Variants in ABCA13 observed in about 807,000 individuals in gnomAD.
ABCA13 encodes ATP-binding cassette sub-family A member 13.
A neutral mutation model predicts 478.7 loss-of-function variants in ABCA13; 476 were observed. That is an observed-to-expected ratio of 0.99 (90% confidence interval 0.92 to 1.07). The LOEUF (loss-of-function observed/expected upper bound fraction) is 1.07. ABCA13 is among the 50% of genes least tolerant of loss of function. The pLI is 0.00. For synonymous variants in ABCA13, 2,252 were observed against 2,158.9 expected (o/e 1.04, Z -1.20); for missense variants, 6,060 against 5,910.6 (o/e 1.03, Z -0.83).
At chr7:48,638,331 ACACATCCAGC>A (rs1021739864) in intron 59 of ABCA13, among the ~76,000 whole-genome samples, 28 of 152,188 alleles carry the variant, frequency 1.8e-4, no homozygotes, top group African/African-American at 6.3e-4. Context: ...TAAGAAAGTG[ACACATCCAGC>A]CACAGAGAGC....
rs1174723885 is a variant in ABCA13, at chr7:48,272,560, A to T, written c.2894A>T (p.Tyr965Phe). ...DKDSALLLQI[Y>F]SSFYRYIYEL... ...GATTCAGCTTTACTTCTGCAAATTTATTCTTCATTTTACCGATATATTTAT... is the reference window on the plus strand; with the variant it reads ...GATTCAGCTTTACTTCTGCAAATTTTTTCTTCATTTTACCGATATATTTAT... The change falls in exon 17 of 62, where the codon TAT becomes TTT. Residue 965 changes from tyrosine to phenylalanine, a missense_variant. By Grantham distance (22) the Tyr-to-Phe change is conservative. Around this residue, in one of 3 missense-constraint regions of ABCA13, gnomAD observed 4,423 missense variants for 4,309.1 expected, o/e 1.03. Coordinates refer to ENST00000435803, the MANE Select transcript of ABCA13 (RefSeq NM_152701.5). 6.2e-7 allele frequency: 1 copy of T among 1,613,782 alleles called. No homozygotes were observed.
intron 41 of ABCA13, among the ~76,000 whole-genome samples, chr7:48,425,863 T>G (rs1334508120): frequency 6.6e-6 from 1 of 152,022 alleles, no homozygotes; most frequent in East Asian, 1.9e-4. Flanking sequence ...TGCCTCAGCC[T>G]CCGGAGTAGC....
At chr7:48,579,831 C>T (rs960163926) in intron 55 of ABCA13, among the ~76,000 whole-genome samples, 1 of 152,130 alleles carries the variant, frequency 6.6e-6, no homozygotes, top group African/African-American at 2.4e-5. Flanking sequence ...AGATAAGAGT[C>T]TCTCCAGTTC....
intron 15 of ABCA13, among the ~76,000 whole-genome samples, chr7:48,256,914 A>G (rs1052457608): frequency 6.6e-6 from 1 of 152,008 alleles, no homozygotes; most frequent in Admixed American, 6.6e-5. Context: ...GGAAATCTTA[A>G]TAATATTGAT....
At chr7:48,478,408 A>G (rs990200360) in intron 45 of ABCA13, among the ~76,000 whole-genome samples, 1 of 151,516 alleles carries the variant, frequency 6.6e-6, no homozygotes, top group Non-Finnish European at 1.5e-5. Context: ...CTTGCCCTTC[A>G]TCCTCTGTAA....
rs1282439758 is a variant in ABCA13 at position 48,273,214 on chromosome 7, TG to T, written c.3550del (p.Asp1184MetfsTer7). On this transcript the variant is annotated frameshift_variant, in exon 17 of 62. Transcript: ENST00000435803. LOFTEE classifies it high-confidence loss of function. The part of the protein sequence containing the change: ...TSLHHGFTQL[L>X]DELEDDVKVS... ...CTTCATCATGGTTTCACTCAGCTTTTGGATGAATTGGAAGATGATGTGAAAG... is the reference window on the plus strand; with the variant it reads ...CTTCATCATGGTTTCACTCAGCTTTTGATGAATTGGAAGATGATGTGAAAG... The T allele has an allele frequency of 6.2e-7, 1 of 1,613,726 alleles. No individual in the cohort carries two copies. Among genetic ancestry groups the T allele is most frequent in the Non-Finnish European group, 8.5e-7 (1 of 1,179,752 alleles).
chr7:48,411,043 CTTTCTTT>C (rs1343811358), intron 40 of ABCA13, among the ~76,000 whole-genome samples: 170 of 89,412 alleles, frequency 1.9e-3, no homozygotes, highest in Admixed American at 2.3e-3. Context: ...TTCTTTCTTT[CTTTCTTT>C]TTCTTTCTTT....
intron 40 of ABCA13, among the ~76,000 whole-genome samples, chr7:48,411,869 A>G (rs2129096186): frequency 6.6e-6 from 1 of 152,144 alleles, no homozygotes; most frequent in Admixed American, 6.5e-5. Flanking sequence ...GTCTTCCCTC[A>G]CCTCTGAGCC....
chr7:48,469,020 A>G (rs1345019489), intron 44 of ABCA13, among the ~76,000 whole-genome samples: 1 of 152,230 alleles, frequency 6.6e-6, no homozygotes, highest in African/African-American at 2.4e-5. Context: ...CAAGGCTTAT[A>G]TCTGGTGGCA....
intron 55 of ABCA13, 94 bp from the exon 56 acceptor site, chr7:48,580,130 C>T: frequency 2.4e-6 from 3 of 1,264,268 alleles, no homozygotes; most frequent in Non-Finnish European, 3.2e-6. Flanking sequence ...AAATAAACTG[C>T]AGTGGACTTG....
Position 48,374,232 on chromosome 7 carries a change from C to T in ABCA13, c.11134-115C>T, listed in dbSNP as rs188375538. The T allele has an allele frequency of 1.5e-4, 126 of 860,614 alleles. No homozygotes were observed. The East Asian group carries it at 2.7e-3, about 19-fold the overall frequency. 53.3% of individuals were successfully genotyped at this position (860,614 alleles called of 1,614,324 possible). A position where few individuals can be genotyped will look rare whatever the true frequency, so the allele number is the denominator to read the frequency against. ...ATGACTGCCTGAAGCGATGGTTGGG[C>T]GTCATCAGAATGAAAAGTTGTCATG... On this transcript the variant is annotated intron_variant, in intron 33 of 61. Coordinates refer to ENST00000435803, the MANE Select transcript of ABCA13 (RefSeq NM_152701.5).
chr7:48,317,403 G>A, intron 27 of ABCA13, 107 bp downstream of exon 27: 1 of 1,251,056 alleles, frequency 8.0e-7, no homozygotes, highest in South Asian at 1.7e-5. Flanking sequence ...TTATGTAGAA[G>A]GCTCTTGTTT....
At chr7:48,371,151 C>T (rs1164203981) in intron 32 of ABCA13, among the ~76,000 whole-genome samples, 1 of 152,018 alleles carries the variant, frequency 6.6e-6, no homozygotes, top group East Asian at 1.9e-4. Context: ...TCTGTTTTTG[C>T]TCCAGTACCA....
intron 59 of ABCA13, among the ~76,000 whole-genome samples, chr7:48,625,409 T>C (rs1184595450): frequency 6.6e-6 from 1 of 152,254 alleles, no homozygotes; most frequent in African/African-American, 2.4e-5. Flanking sequence ...AACTATGGAA[T>C]GATGTGCTAC....
chr7:48,563,861 T>A (rs1786737111), intron 55 of ABCA13, among the ~76,000 whole-genome samples: 1 of 150,390 alleles, frequency 6.6e-6, no homozygotes, highest in Non-Finnish European at 1.5e-5. Context: ...TCATCTTTCT[T>A]CCTATAATTT....
chr7:48,647,149 G>A lies in ABCA13; in HGVS notation c.*1637G>A, dbSNP rs1236653690. 2 of 152,102 alleles carry A rather than the reference G, an allele frequency of 1.3e-5. No individual in the cohort carries two copies. The highest frequency in any genetic ancestry group is 2.9e-5 in the Non-Finnish European group (2 of 68,020). 9.4% of individuals were successfully genotyped at this position (152,102 alleles called of 1,614,324 possible). A position where few individuals can be genotyped will look rare whatever the true frequency, so the allele number is the denominator to read the frequency against. Reference sequence around the variant, plus strand: ...TGAGTACCGGTAGCTTGTGATCAAAGGCATATACTTCCTTATGAGATTTCT... The same window carrying A: ...TGAGTACCGGTAGCTTGTGATCAAAAGCATATACTTCCTTATGAGATTTCT... On this transcript the variant is annotated 3_prime_UTR_variant, in exon 62 of 62. Coordinates refer to ENST00000435803, the MANE Select transcript of ABCA13 (RefSeq NM_152701.5).
At chr7:48,532,066 T>G (rs1419385530) in intron 55 of ABCA13, among the ~76,000 whole-genome samples, 1 of 152,140 alleles carries the variant, frequency 6.6e-6, no homozygotes, top group Non-Finnish European at 1.5e-5. Flanking sequence ...TGGGCATCCT[T>G]GTCTTGTTCC....
chr7:48,248,327 T>C lies in ABCA13; in HGVS notation c.1748T>C (p.Met583Thr). The change falls in exon 14 of 62, where the codon ATG becomes ACG. Residue 583 changes from methionine to threonine, a missense_variant. Physicochemically the swap from Met to Thr is moderately conservative, Grantham distance 81. Coordinates refer to ENST00000435803, the MANE Select transcript of ABCA13 (RefSeq NM_152701.5). ...EEYLDWQELE[M>T]QLSEASLSCT... Reference sequence around the variant, plus strand: ...TATTTGGACTGGCAGGAACTTGAGATGCAGCTGTCAGAAGCAAGCCTTTCC... The same window carrying C: ...TATTTGGACTGGCAGGAACTTGAGACGCAGCTGTCAGAAGCAAGCCTTTCC... 1.2e-6 allele frequency: 2 copies of C among 1,613,936 alleles called. No homozygotes were observed. The highest frequency in any genetic ancestry group is 1.7e-6 in the Non-Finnish European group (2 of 1,179,804).
chr7:48,569,711 G>C (rs1480832556), intron 55 of ABCA13, among the ~76,000 whole-genome samples: 1 of 152,150 alleles, frequency 6.6e-6, no homozygotes, highest in Non-Finnish European at 1.5e-5. Flanking sequence ...TTTTGGTAGA[G>C]AGTGTTTTTC....
Sources: allele counts gnomAD v4.1 joint callset (sites outside exome capture counted in the v4.1 genomes callset), GRCh38; gene constraint gnomAD v4.1.1; regional missense constraint gnomAD v4.1.1; transcripts MANE v1.5; gene names NCBI Gene and HGNC (gene_info 2026-07-23, HGNC 2026-07-21).